BRINP3: variants seen among roughly 807,000 people sequenced by gnomAD.
BRINP3 encodes BMP/retinoic acid-inducible neural-specific protein 3.
Under a neutral mutation model 71.0 loss-of-function variants are expected in BRINP3, and 19 were observed. The ratio of observed to expected loss-of-function variants is 0.27; its 90% CI spans 0.19 to 0.39. BRINP3 has a LOEUF of 0.39. Among genes scored for constraint, BRINP3 ranks in the 10% least tolerant of loss-of-function variants. BRINP3 has a pLI of 1.00. For synonymous variants in BRINP3, 380 were observed against 337.7 expected (o/e 1.13, Z -1.37); for missense variants, 959 against 940.8 (o/e 1.02, Z -0.25).
chr1:190,398,092 A>C (rs1671693682), intron 2 of BRINP3, among the ~76,000 whole-genome samples: 2 of 151,962 alleles, frequency 1.3e-5, no homozygotes, highest in Non-Finnish European at 2.9e-5. Flanking sequence ...AAAGCACACA[A>C]CCACAACCCA....
chr1:190,349,210 A>C (rs1668213220), intron 2 of BRINP3, among the ~76,000 whole-genome samples: 1 of 152,084 alleles, frequency 6.6e-6, no homozygotes, highest in Admixed American at 6.6e-5. Context: ...GGCTGATTCA[A>C]ATTCCTCAAT....
At chr1:190,099,184 G>A (rs768148345) in intron 7 of BRINP3, 50 bp from the exon 8 acceptor site, 4 of 1,535,262 alleles carry the variant, frequency 2.6e-6, no homozygotes, top group Non-Finnish European at 3.5e-6. Flanking sequence ...GATATTCTGT[G>A]TACTGCAGTA....
chr1:190,162,845 C>T (rs937391948), intron 6 of BRINP3, among the ~76,000 whole-genome samples: 1 of 152,034 alleles, frequency 6.6e-6, no homozygotes, highest in African/African-American at 2.4e-5. Context: ...TAATATGACA[C>T]TTGAATAATT....
chr1:190,449,309 A>G (rs1265452759), intron 2 of BRINP3, among the ~76,000 whole-genome samples: 3 of 151,822 alleles, frequency 2.0e-5, no homozygotes, highest in Non-Finnish European at 4.4e-5. Context: ...TTCTGTTTCT[A>G]GAGATACCAC....
intron 2 of BRINP3, among the ~76,000 whole-genome samples, chr1:190,437,392 G>T (rs1674534218): frequency 6.6e-6 from 1 of 151,796 alleles, no homozygotes; most frequent in African/African-American, 2.4e-5. Context: ...GCCTAGGAAG[G>T]TAAGTTTCAA....
At chr1:190,296,274 G>T (rs750135946) in intron 2 of BRINP3, among the ~76,000 whole-genome samples, 2 of 151,396 alleles carry the variant, frequency 1.3e-5, no homozygotes, top group South Asian at 2.1e-4. Flanking sequence ...GATATACATG[G>T]ATAATAAATA....
At chr1:190,246,863 G>T (rs2102795616) in intron 4 of BRINP3, among the ~76,000 whole-genome samples, 1 of 151,974 alleles carries the variant, frequency 6.6e-6, no homozygotes, top group South Asian at 2.1e-4. Flanking sequence ...TATCAGTGAA[G>T]AAACCAGATA....
chr1:190,248,304 T>C (rs537517355), intron 4 of BRINP3, among the ~76,000 whole-genome samples: 22 of 151,830 alleles, frequency 1.4e-4, no homozygotes, highest in Admixed American at 1.4e-3. Flanking sequence ...AGTTGCTATT[T>C]ATTTTTTATT....
intron 2 of BRINP3, among the ~76,000 whole-genome samples, chr1:190,404,798 T>C (rs1672153441): frequency 6.6e-6 from 1 of 152,170 alleles, no homozygotes; most frequent in African/African-American, 2.4e-5. Context: ...ATTATTAAAG[T>C]CAACTTTCTT....
intron 2 of BRINP3, among the ~76,000 whole-genome samples, chr1:190,298,197 A>C (rs991238284): frequency 2.6e-5 from 4 of 152,140 alleles, no homozygotes; most frequent in Non-Finnish European, 4.4e-5. Context: ...ACCACTGTTA[A>C]GAGTTCTGAC....
intron 2 of BRINP3, among the ~76,000 whole-genome samples, chr1:190,430,877 T>A (rs1452786520): frequency 6.6e-6 from 1 of 152,182 alleles, no homozygotes; most frequent in Non-Finnish European, 1.5e-5. Context: ...TCCCAATGTA[T>A]AATTTATAAG....
At chr1:190,110,759 T>A (rs548556115) in intron 7 of BRINP3, among the ~76,000 whole-genome samples, 8 of 151,970 alleles carry the variant, frequency 5.3e-5, no homozygotes, top group Non-Finnish European at 1.0e-4. Context: ...TTAGGTTACA[T>A]CTATATTCCA....
intron 2 of BRINP3, among the ~76,000 whole-genome samples, chr1:190,364,114 T>A (rs1256015735): frequency 6.6e-6 from 1 of 152,142 alleles, no homozygotes; most frequent in Non-Finnish European, 1.5e-5. Flanking sequence ...TCAAAAGAAA[T>A]TTTTAAACTT....
At chr1:190,407,319 T>C (rs1672346536) in intron 2 of BRINP3, among the ~76,000 whole-genome samples, 1 of 152,200 alleles carries the variant, frequency 6.6e-6, no homozygotes, top group Admixed American at 6.5e-5. Flanking sequence ...TTCTGCCATA[T>C]AAGTCTGGGG....
chr1:190,251,437 C>T lies in BRINP3; in HGVS notation c.618+13428G>A, dbSNP rs183370957. Among the ~76,000 whole-genome samples the T allele has an allele frequency of 2.0e-4, 30 of 151,892 alleles. No homozygotes were observed. The East Asian group carries it at 2.3e-3, about 12-fold the overall frequency. ...AGAGATGACAGTTAATTGAGCAAAA[C>T]GACACAATCAATACGTAGTGATATT... On this transcript the variant is annotated intron_variant, in intron 4 of 7. Coordinates refer to ENST00000367462, the MANE Select transcript of BRINP3 (RefSeq NM_199051.3).
At chr1:190,119,970 AAAGT>A (rs1206201820) in intron 7 of BRINP3, among the ~76,000 whole-genome samples, 6 of 152,240 alleles carry the variant, frequency 3.9e-5, no homozygotes, top group Admixed American at 1.3e-4. Context: ...CTTTTTCAGT[AAAGT>A]AAGTAGTTGA....
chr1:190,292,101 C>A (rs747473301), intron 2 of BRINP3, among the ~76,000 whole-genome samples: 1 of 151,944 alleles, frequency 6.6e-6, no homozygotes, highest in Non-Finnish European at 1.5e-5. Flanking sequence ...AAAAGTTGAT[C>A]CCATAAAAGC....
chr1:190,296,068 T>G (rs1664226006), intron 2 of BRINP3, among the ~76,000 whole-genome samples: 1 of 144,236 alleles, frequency 6.9e-6, no homozygotes, highest in African/African-American at 2.5e-5. Flanking sequence ...CTTTTGTGGT[T>G]TTTTTTTTGG....
chr1:190,419,009 T>G (rs1030630290), intron 2 of BRINP3, among the ~76,000 whole-genome samples: 1 of 152,144 alleles, frequency 6.6e-6, no homozygotes, highest in Non-Finnish European at 1.5e-5. Context: ...CTAAATGATT[T>G]TCATACAAAA....
Sources: allele counts gnomAD v4.1 joint callset (sites outside exome capture counted in the v4.1 genomes callset), GRCh38; gene constraint gnomAD v4.1.1; transcripts MANE v1.5; gene names NCBI Gene and HGNC (gene_info 2026-07-23, HGNC 2026-07-21).